The following TRAPPC9 variants were observed in gnomAD, a reference collection of about 807,000 sequenced individuals.
TRAPPC9 encodes IKK2 binding protein.
A neutral mutation model predicts 124.0 loss-of-function variants in TRAPPC9; 83 were observed. The observed-to-expected ratio is 0.67, with a 90% CI of 0.56 to 0.80. The LOEUF (loss-of-function observed/expected upper bound fraction) is 0.80. Ranked by LOEUF, TRAPPC9 falls within the 30% of genes least tolerant of loss-of-function variation. The probability of loss-of-function intolerance (pLI) is 0.00; values close to 1 mark genes in which losing one functional copy is unlikely to be tolerated. For synonymous variants in TRAPPC9, 638 were observed against 617.5 expected (o/e 1.03, Z -0.49); for missense variants, 1,302 against 1,508.3 (o/e 0.86, Z 2.27).
intron 15 of TRAPPC9, among the ~76,000 whole-genome samples, chr8:140,270,227 A>G (rs779688608): frequency 3.3e-5 from 5 of 152,174 alleles, no homozygotes; most frequent in Non-Finnish European, 5.9e-5. Flanking sequence ...GGCGGTGTCT[A>G]AGGTAGAGCA....
chr8:139,996,964 C>T (rs575822896), intron 18 of TRAPPC9, among the ~76,000 whole-genome samples: 4 of 152,310 alleles, frequency 2.6e-5, no homozygotes, highest in East Asian at 1.9e-4. Context: ...CCAGGCTGGT[C>T]TCGAATGCCT....
At position 140,241,284 on chromosome 8, in the gene TRAPPC9, A is replaced by G. The variant is rs566114871; in HGVS notation, c.2431+11493T>C. The stretch of plus-strand genomic sequence containing the variant: ...CATGGTGGTGTGTCCCTGTAATCCC[A>G]GCTACTAGGGAGGAGAATCACTTGA... On this transcript the variant is annotated intron_variant, in intron 16 of 22. Transcript: ENST00000438773. The surrounding 1 kb of genome is among the most constrained non-coding windows in gnomAD (Gnocchi z 5.0). Among the ~76,000 whole-genome samples the G allele has an allele frequency of 6.6e-6, 1 of 152,266 alleles. No homozygotes were observed. The highest frequency in any genetic ancestry group is 6.5e-5 in the Admixed American group (1 of 15,300).
chr8:139,741,228 C>T (rs1406607899), intron 21 of TRAPPC9, among the ~76,000 whole-genome samples: 1 of 152,206 alleles, frequency 6.6e-6, no homozygotes, highest in Non-Finnish European at 1.5e-5. Flanking sequence ...TGGCACTCCT[C>T]CTTGGTGCTC....
intron 17 of TRAPPC9, among the ~76,000 whole-genome samples, chr8:140,175,201 A>C (rs142047421): frequency 2.2e-4 from 34 of 152,178 alleles, no homozygotes; most frequent in African/African-American, 7.7e-4. Flanking sequence ...CACAGCTAAC[A>C]GGAAAATCAG....
intron 11 of TRAPPC9, chr8:140,291,297 G>A (rs2065650071): frequency 1.3e-5 from 8 of 615,192 alleles, no homozygotes; most frequent in South Asian, 3.7e-5. Context: ...CATGAATGGC[G>A]CTTGTCACTG....
chr8:140,007,134 G>A (rs935094445), intron 18 of TRAPPC9, among the ~76,000 whole-genome samples: 18 of 152,154 alleles, frequency 1.2e-4, no homozygotes, highest in African/African-American at 4.1e-4. Context: ...TGACCCACAC[G>A]CAGTGCCATA....
chr8:140,072,517 C>CAAAA (rs1203630621), intron 17 of TRAPPC9, among the ~76,000 whole-genome samples: 7 of 109,538 alleles, frequency 6.4e-5, no homozygotes, highest in African/African-American at 1.3e-4. Context: ...GACTCCGTCT[C>CAAAA]AAAAAAAAAA....
At chr8:140,361,643 T>C (rs778739090) in intron 8 of TRAPPC9, among the ~76,000 whole-genome samples, 1 of 152,246 alleles carries the variant, frequency 6.6e-6, no homozygotes, top group Non-Finnish European at 1.5e-5. Flanking sequence ...TGTGACATGA[T>C]TAATGATCCA....
At chr8:140,012,494 T>A (rs1344254928) in intron 18 of TRAPPC9, among the ~76,000 whole-genome samples, 1 of 152,142 alleles carries the variant, frequency 6.6e-6, no homozygotes, top group Non-Finnish European at 1.5e-5. Flanking sequence ...AGGCACACAG[T>A]TTCTTACTGG....
intron 18 of TRAPPC9, among the ~76,000 whole-genome samples, chr8:140,006,748 T>A (rs763225058): frequency 2.6e-5 from 4 of 152,296 alleles, no homozygotes; most frequent in African/African-American, 7.2e-5. Context: ...TCCATTTATA[T>A]GAAATATCTA....
At chr8:140,413,712 C>T (rs1002579388) in intron 5 of TRAPPC9, among the ~76,000 whole-genome samples, 6 of 140,524 alleles carry the variant, frequency 4.3e-5, no homozygotes, top group African/African-American at 1.6e-4. Context: ...TTCCTGTGTC[C>T]ATATGTTCTC....
chr8:140,203,453 CCT>C (rs1283944228), intron 17 of TRAPPC9, among the ~76,000 whole-genome samples: 15 of 152,114 alleles, frequency 9.9e-5, no homozygotes, highest in African/African-American at 3.6e-4. Flanking sequence ...CTGAAAAGTC[CCT>C]GTGTCCTAAC....
chr8:140,310,756 G>C (rs143058008), intron 10 of TRAPPC9, among the ~76,000 whole-genome samples: 67 of 152,202 alleles, frequency 4.4e-4, no homozygotes, highest in African/African-American at 1.3e-3. Context: ...GAACAAGGGA[G>C]CACAGACAGA....
At chr8:139,737,692 G>A (rs1029590739) in intron 21 of TRAPPC9, among the ~76,000 whole-genome samples, 10 of 152,204 alleles carry the variant, frequency 6.6e-5, no homozygotes, top group Admixed American at 3.9e-4. Context: ...AGCAGCACAG[G>A]CCCAGGCTCC....
At position 140,293,465 on chromosome 8, in the gene TRAPPC9, C is replaced by T. The variant is rs1243471811; in HGVS notation, c.1769-2387G>A. On this transcript the variant is annotated intron_variant, in intron 11 of 22. Coordinates refer to ENST00000438773, the MANE Select transcript of TRAPPC9 (RefSeq NM_001160372.4). ...CAATAGCAAAGACTTGGAACCAACC[C>T]AAATGTCCAACAATGATAGACTGGA... is the stretch of plus-strand genomic sequence containing the variant. Among the ~76,000 whole-genome samples the T allele has an allele frequency of 2.2e-4, 34 of 152,118 alleles. 1 individual carries two copies. The highest frequency in any genetic ancestry group is 8.2e-4 in the African/African-American group (34 of 41,392).
intron 19 of TRAPPC9, among the ~76,000 whole-genome samples, chr8:139,947,021 C>T (rs74623628): frequency 0.039 from 5,942 of 151,954 alleles, 290 homozygotes; most frequent in African/African-American, 0.11. Flanking sequence ...CAAAAAAGGC[C>T]CTGGCTGGGA....
At chr8:140,068,340 C>A (rs1563735739) in intron 17 of TRAPPC9, among the ~76,000 whole-genome samples, 1 of 152,002 alleles carries the variant, frequency 6.6e-6, no homozygotes, top group South Asian at 2.1e-4. Context: ...CCATGAGCAG[C>A]CTTGAAGACA....
intron 11 of TRAPPC9, among the ~76,000 whole-genome samples, chr8:140,295,449 T>C (rs939223667): frequency 5.3e-5 from 8 of 152,114 alleles, no homozygotes; most frequent in African/African-American, 1.9e-4. Context: ...AGCCACAGCC[T>C]CTCCAGGCCA....
At chr8:140,188,650 C>T (rs2062404171) in intron 17 of TRAPPC9, among the ~76,000 whole-genome samples, 1 of 152,224 alleles carries the variant, frequency 6.6e-6, no homozygotes, top group African/African-American at 2.4e-5. Flanking sequence ...CTCTGCCTCA[C>T]ACTTGCTGGC....
Sources: allele counts gnomAD v4.1 joint callset (sites outside exome capture counted in the v4.1 genomes callset), GRCh38; gene constraint gnomAD v4.1.1; non-coding constraint Gnocchi (gnomAD v3.1); transcripts MANE v1.5; gene names NCBI Gene and HGNC (gene_info 2026-07-23, HGNC 2026-07-21).